Variants in TBC1D32 observed in about 807,000 individuals in gnomAD.
The protein encoded by TBC1D32 is protein broad-minded.
Under a neutral mutation model 170.3 loss-of-function variants are expected in TBC1D32, and 151 were observed. That is an observed-to-expected ratio of 0.89 (90% confidence interval 0.78 to 1.01). TBC1D32 has a LOEUF of 1.01. Ranked by LOEUF, TBC1D32 falls within the 50% of genes least tolerant of loss-of-function variation. The pLI, the probability that TBC1D32 is intolerant of heterozygous loss-of-function variation, is 0.00. For missense variants in TBC1D32, 1,464 were observed against 1,457.1 expected (o/e 1.00, Z -0.08); for synonymous variants, 498 against 488.0 (o/e 1.02, Z -0.27).
intron 24 of TBC1D32, among the ~76,000 whole-genome samples, chr6:121,135,492 T>C (rs1781953475): frequency 6.6e-6 from 1 of 152,060 alleles, no homozygotes; most frequent in South Asian, 2.1e-4. Context: ...GGGAAACCAA[T>C]GAGGTGAGCT....
intron 17 of TBC1D32, among the ~76,000 whole-genome samples, chr6:121,244,847 A>G (rs1206860817): frequency 6.6e-6 from 1 of 152,244 alleles, no homozygotes; most frequent in Non-Finnish European, 1.5e-5. Context: ...TATATAGCTT[A>G]ACACAAGGGA....
chr6:121,176,982 A>G (rs561371735), intron 22 of TBC1D32, among the ~76,000 whole-genome samples: 235 of 152,278 alleles, frequency 1.5e-3, no homozygotes, highest in Middle Eastern at 3.4e-3. Context: ...AACAGCTAAG[A>G]AAGGTGTTCT....
At chr6:121,180,939 G>C (rs1256825983) in intron 22 of TBC1D32, among the ~76,000 whole-genome samples, 1 of 151,918 alleles carries the variant, frequency 6.6e-6, no homozygotes, top group African/African-American at 2.4e-5. Flanking sequence ...GATATAAACA[G>C]GTATTTCTCA....
intron 22 of TBC1D32, among the ~76,000 whole-genome samples, chr6:121,190,452 C>G (rs35583988): frequency 0.68 from 98,527 of 145,464 alleles, 38,792 homozygotes; most frequent in Non-Finnish European, 0.87. Flanking sequence ...CTCTCTACCT[C>G]CACCCCACAT....
At chr6:121,180,147 G>A (rs1788321521) in intron 22 of TBC1D32, among the ~76,000 whole-genome samples, 1 of 152,112 alleles carries the variant, frequency 6.6e-6, no homozygotes, top group Non-Finnish European at 1.5e-5. Flanking sequence ...ACGGTATTAT[G>A]CAGATGTCAA....
chr6:121,154,158 G>A (rs76305469), intron 24 of TBC1D32, among the ~76,000 whole-genome samples: 2,632 of 152,190 alleles, frequency 0.017, 35 homozygotes, highest in Non-Finnish European at 0.026. Flanking sequence ...TCTGGGTTGC[G>A]AAGATGGTGG....
intron 26 of TBC1D32, among the ~76,000 whole-genome samples, chr6:121,123,812 T>C (rs903734638): frequency 1.3e-5 from 2 of 152,002 alleles, no homozygotes; most frequent in African/African-American, 2.4e-5. Context: ...CCTTTCTTAC[T>C]ACCTTCTTTT....
chr6:121,297,687 C>A (rs1403723896), intron 10 of TBC1D32, among the ~76,000 whole-genome samples: 8 of 152,014 alleles, frequency 5.3e-5, no homozygotes, highest in African/African-American at 1.9e-4. Flanking sequence ...CTAAAAATGT[C>A]ATAAACATAA....
chr6:121,212,750 C>T (rs896631589), intron 21 of TBC1D32, among the ~76,000 whole-genome samples: 4 of 151,886 alleles, frequency 2.6e-5, no homozygotes, highest in Admixed American at 6.6e-5. Flanking sequence ...TGTGAGCCAC[C>T]GCACCCAGCC....
At chr6:121,320,149 C>T (rs1337132386) in intron 2 of TBC1D32, among the ~76,000 whole-genome samples, 3 of 148,994 alleles carry the variant, frequency 2.0e-5, no homozygotes, top group Non-Finnish European at 4.4e-5. Context: ...AATTGAAATG[C>T]TGTTTACAGA....
intron 21 of TBC1D32, among the ~76,000 whole-genome samples, chr6:121,211,721 C>T (rs9375012): frequency 0.68 from 104,020 of 151,958 alleles, 40,772 homozygotes; most frequent in Non-Finnish European, 0.87. Flanking sequence ...GGTGATTACC[C>T]AGCCCCATAC....
At chr6:121,126,280 A>T (rs949083250) in intron 26 of TBC1D32, 98 bp downstream of exon 26, 10 of 827,776 alleles carry the variant, frequency 1.2e-5, no homozygotes, top group Non-Finnish European at 1.9e-5. Flanking sequence ...GATTGTTAGG[A>T]TGAGAAAACT....
intron 22 of TBC1D32, among the ~76,000 whole-genome samples, chr6:121,204,740 G>A (rs1044141050): frequency 2.0e-5 from 3 of 148,422 alleles, no homozygotes; most frequent in African/African-American, 7.9e-5. Flanking sequence ...TCTTTTGAGG[G>A]TATATTGTGA....
intron 10 of TBC1D32, among the ~76,000 whole-genome samples, chr6:121,299,217 T>C (rs1806092975): frequency 6.6e-6 from 1 of 152,110 alleles, no homozygotes; most frequent in Non-Finnish European, 1.5e-5. Context: ...GCCAATTTAC[T>C]ATATATATAA....
At chr6:121,294,690 A>G in intron 10 of TBC1D32, 30 bp from the exon 11 acceptor site, 2 of 1,524,930 alleles carry the variant, frequency 1.3e-6, no homozygotes, top group Non-Finnish European at 1.8e-6. Context: ...TTAATTCCAG[A>G]ACTTTGCAGC....
At chr6:121,117,330 T>C (rs1250355091) in intron 26 of TBC1D32, among the ~76,000 whole-genome samples, 1 of 152,128 alleles carries the variant, frequency 6.6e-6, no homozygotes, top group Non-Finnish European at 1.5e-5. Flanking sequence ...ACTATGCAGA[T>C]AAAAATATGC....
At chr6:121,233,280 T>A (rs931818508) in intron 20 of TBC1D32, among the ~76,000 whole-genome samples, 28 of 152,292 alleles carry the variant, frequency 1.8e-4, no homozygotes, top group African/African-American at 6.7e-4. Context: ...TCTATCCTGA[T>A]GACCTGTCTA....
intron 15 of TBC1D32, among the ~76,000 whole-genome samples, chr6:121,265,615 C>G (rs868121973): frequency 1.3e-5 from 2 of 151,760 alleles, no homozygotes; most frequent in South Asian, 4.2e-4. Flanking sequence ...GCCCATATAG[C>G]CAAGTCAATC....
chr6:121,114,760 G>T (rs1779523718), intron 27 of TBC1D32, among the ~76,000 whole-genome samples: 1 of 152,120 alleles, frequency 6.6e-6, no homozygotes, highest in Admixed American at 6.5e-5. Flanking sequence ...TACAACTTGA[G>T]TATTAAAAAT....
Sources: gnomAD v4.1 joint callset for allele counts (sites outside exome capture counted in the v4.1 genomes callset) on GRCh38, gnomAD v4.1.1 for gene constraint, MANE v1.5 for transcripts, NCBI Gene and HGNC (gene_info 2026-07-23, HGNC 2026-07-21) for gene names.